ZDHHC21: variants seen among roughly 807,000 people sequenced by gnomAD.
ZDHHC21 encodes palmitoyltransferase ZDHHC21.
A neutral mutation model predicts 34.6 loss-of-function variants in ZDHHC21; 15 were observed. That is an observed-to-expected ratio of 0.43 (90% CI 0.29 to 0.67). The LOEUF (loss-of-function observed/expected upper bound fraction) is 0.67. Ranked by LOEUF, ZDHHC21 falls within the 30% of genes least tolerant of loss-of-function variation. The pLI is 0.14. For missense variants in ZDHHC21, 344 were observed against 327.7 expected (o/e 1.05, Z -0.38); for synonymous variants, 142 against 101.8 (o/e 1.40, Z -2.38).
rs991317888 is a variant in ZDHHC21 at position 14,686,957 on chromosome 9, G to A, written c.-176+3380C>T. 2.8e-5 allele frequency among the ~76,000 whole-genome samples: 4 copies of A among 143,464 alleles called. No homozygotes were observed. The South Asian group carries it at 6.7e-4, about 24-fold the overall frequency. 94.1% of individuals were successfully genotyped at this position (143,464 alleles called of 152,430 possible). A position where few individuals can be genotyped will look rare whatever the true frequency, so the allele number is the denominator to read the frequency against. The stretch of plus-strand genomic sequence containing the variant: ...TACAGCACTCCAGCCTGGGCGACAG[G>A]GCGAGACTTCATCTCAAAAAAACAA... On this transcript the variant is annotated intron_variant, in intron 2 of 9. Coordinates refer to ENST00000380916, the MANE Select transcript of ZDHHC21 (RefSeq NM_178566.6).
At chr9:14,672,599 T>C (rs1401154502) in intron 5 of ZDHHC21, among the ~76,000 whole-genome samples, 2 of 151,976 alleles carry the variant, frequency 1.3e-5, no homozygotes, top group Admixed American at 1.3e-4. Context: ...ATGAGGATCA[T>C]ATGATATGTG....
At chr9:14,682,457 T>C (rs962827228) in intron 2 of ZDHHC21, among the ~76,000 whole-genome samples, 4 of 152,102 alleles carry the variant, frequency 2.6e-5, no homozygotes, top group Non-Finnish European at 1.5e-5. Context: ...CATTACATAA[T>C]GGTAAAGGGA....
intron 1 of ZDHHC21, among the ~76,000 whole-genome samples, chr9:14,692,848 G>A (rs117984704): frequency 0.012 from 1,757 of 147,538 alleles, 12 homozygotes; most frequent in South Asian, 0.05. Flanking sequence ...AGACGGGGGT[G>A]CGGGGAGAGA....
At chr9:14,652,954 T>G (rs890865506) in intron 7 of ZDHHC21, among the ~76,000 whole-genome samples, 1 of 151,970 alleles carries the variant, frequency 6.6e-6, no homozygotes, top group Non-Finnish European at 1.5e-5. Context: ...GCCACCTATC[T>G]ACGTGAAAGG....
At chr9:14,651,904 A>C (rs1831300863) in intron 7 of ZDHHC21, among the ~76,000 whole-genome samples, 1 of 151,968 alleles carries the variant, frequency 6.6e-6, no homozygotes, top group Non-Finnish European at 1.5e-5. Context: ...CTTAAATGCC[A>C]AATCATTACC....
At chr9:14,670,410 A>G (rs1313862302) in intron 5 of ZDHHC21, among the ~76,000 whole-genome samples, 1 of 152,134 alleles carries the variant, frequency 6.6e-6, no homozygotes, top group Non-Finnish European at 1.5e-5. Context: ...AATTATTGAA[A>G]ATAACAATTT....
chr9:14,677,719 G>C (rs1204332739), intron 3 of ZDHHC21, among the ~76,000 whole-genome samples: 1 of 152,026 alleles, frequency 6.6e-6, no homozygotes, highest in East Asian at 1.9e-4. Context: ...AATTACTACA[G>C]CACAAACTTT....
intron 5 of ZDHHC21, among the ~76,000 whole-genome samples, chr9:14,667,112 TA>T (rs1834588088): frequency 8.9e-6 from 1 of 112,534 alleles, no homozygotes; most frequent in South Asian, 4.0e-4. Context: ...GCAAGACTAA[TA>T]AAGAAAAAAA....
the ZDHHC21 span, among the ~76,000 whole-genome samples, chr9:14,595,028 T>G: frequency 6.6e-6 from 1 of 152,180 alleles, no homozygotes; most frequent in African/African-American, 2.4e-5. Context: ...AAGTTATTAG[T>G]GCAGATGTGG....
chr9:14,660,674 T>C (rs1224792632), intron 6 of ZDHHC21, among the ~76,000 whole-genome samples: 2 of 152,088 alleles, frequency 1.3e-5, no homozygotes, highest in African/African-American at 4.8e-5. Context: ...TGCTACCAAC[T>C]TCTGAAAAGT....
At chr9:14,592,705 T>A in the ZDHHC21 span, among the ~76,000 whole-genome samples, 5 of 152,274 alleles carry the variant, frequency 3.3e-5, no homozygotes, top group African/African-American at 1.2e-4. Flanking sequence ...CCTACTACTA[T>A]CAGAATACAT....
intron 1 of ZDHHC21, among the ~76,000 whole-genome samples, chr9:14,690,734 GTGA>G (rs551380835): frequency 5.9e-5 from 9 of 152,158 alleles, no homozygotes; most frequent in Non-Finnish European, 1.2e-4. Flanking sequence ...AATGAGCACA[GTGA>G]TGATTCACAT....
At chr9:14,638,836 T>C (rs756715839) in intron 8 of ZDHHC21, among the ~76,000 whole-genome samples, 1 of 151,992 alleles carries the variant, frequency 6.6e-6, no homozygotes. Context: ...ACGGCTTTTA[T>C]TAAAAGGACA....
chr9:14,606,288 T>C (rs987221909), downstream of ZDHHC21, among the ~76,000 whole-genome samples: 1 of 152,208 alleles, frequency 6.6e-6, no homozygotes, highest in Non-Finnish European at 1.5e-5. Context: ...GGTTTGTGAC[T>C]TCTGAAGCTA....
At chr9:14,606,183 C>G (rs1014375304), downstream of ZDHHC21, among the ~76,000 whole-genome samples, 2 of 152,124 alleles carry the variant, frequency 1.3e-5, no homozygotes, top group African/African-American at 2.4e-5. Context: ...ATCTCCCATC[C>G]TATATACTTT....
At chr9:14,604,692 AC>A in the ZDHHC21 span, among the ~76,000 whole-genome samples, 3 of 152,220 alleles carry the variant, frequency 2.0e-5, no homozygotes, top group Non-Finnish European at 2.9e-5. Flanking sequence ...ACTTCACATT[AC>A]TTTTTATTGT....
At chr9:14,664,644 G>A (rs1007451432) in intron 5 of ZDHHC21, among the ~76,000 whole-genome samples, 7 of 151,418 alleles carry the variant, frequency 4.6e-5, no homozygotes, top group East Asian at 2.0e-4. Flanking sequence ...CTCCCTGCAC[G>A]CAGCTGGAGA....
intron 3 of ZDHHC21, among the ~76,000 whole-genome samples, chr9:14,679,081 T>C (rs1276381733): frequency 6.6e-6 from 1 of 152,092 alleles, no homozygotes; most frequent in Non-Finnish European, 1.5e-5. Context: ...GTTACAAAGA[T>C]GAATTTATCA....
intron 8 of ZDHHC21, among the ~76,000 whole-genome samples, chr9:14,621,097 T>A (rs1051974961): frequency 1.3e-4 from 19 of 151,806 alleles, no homozygotes; most frequent in Admixed American, 2.6e-4. Flanking sequence ...TTTCTTAGAG[T>A]TTTGATAGTA....
Sources: gnomAD v4.1 joint callset for allele counts (sites outside exome capture counted in the v4.1 genomes callset) on GRCh38, gnomAD v4.1.1 for gene constraint, MANE v1.5 for transcripts, NCBI Gene and HGNC (gene_info 2026-07-23, HGNC 2026-07-21) for gene names.